Variants in SAMMSON observed in about 807,000 individuals in gnomAD.
SAMMSON encodes survival associated mitochondrial melanoma specific oncogenic non-coding RNA, also known as long intergenic non-protein coding RNA 1212.
downstream of SAMMSON, among the ~76,000 whole-genome samples, chr3:70,391,615 G>A (rs938593485): frequency 2.6e-5 from 4 of 151,988 alleles, no homozygotes; most frequent in Non-Finnish European, 4.4e-5. Context: ...AGTATAGAGG[G>A]CAATGTCTTG....
At position 70,268,422 on chromosome 3, in the gene SAMMSON, C is replaced by G. The variant is rs781722323; in HGVS notation, n.674+18752C>G. 2.7e-4 allele frequency among the ~76,000 whole-genome samples: 38 copies of G among 138,440 alleles called. 1 individual carries two copies. The highest frequency in any genetic ancestry group is 3.0e-4 in the Non-Finnish European group (20 of 66,738). 90.8% of individuals were successfully genotyped at this position (138,440 alleles called of 152,430 possible). A position where few individuals can be genotyped will look rare whatever the true frequency, so the allele number is the denominator to read the frequency against. On this transcript the variant is annotated intron_variant and non_coding_transcript_variant, in intron 6 of 9. Transcript: ENST00000642114. ...CCCGGGAGGCGGAGGTGGCAGTGAG[C>G]AGAGATCGCATCACTGCACTCCAGC...
At chr3:70,413,451 G>C (rs943968220) in intron 2 of SAMMSON, among the ~76,000 whole-genome samples, 1 of 152,120 alleles carries the variant, frequency 6.6e-6, no homozygotes, top group Non-Finnish European at 1.5e-5. Flanking sequence ...TCAGCACCCA[G>C]CTGAAGTGCT....
chr3:70,186,368 C>A (rs986449567), intron 4 of SAMMSON, among the ~76,000 whole-genome samples: 1 of 151,996 alleles, frequency 6.6e-6, no homozygotes, highest in Non-Finnish European at 1.5e-5. Context: ...AAGGATCTTC[C>A]CAGCTCAGCC....
chr3:70,279,649 T>C (rs905447889), intron 6 of SAMMSON, among the ~76,000 whole-genome samples: 1 of 152,172 alleles, frequency 6.6e-6, no homozygotes, highest in Non-Finnish European at 1.5e-5. Flanking sequence ...CTGAGTCCTA[T>C]TTGCATTAAG....
intron 3 of SAMMSON, among the ~76,000 whole-genome samples, chr3:70,031,341 T>C (rs1260456103): frequency 6.6e-6 from 1 of 151,874 alleles, no homozygotes; most frequent in Non-Finnish European, 1.5e-5. Flanking sequence ...AATAGGTAAA[T>C]TCATAGACAT....
intron 4 of SAMMSON, among the ~76,000 whole-genome samples, chr3:70,153,143 C>A (rs755819131): frequency 1.3e-5 from 2 of 151,838 alleles, no homozygotes; most frequent in Non-Finnish European, 2.9e-5. Context: ...AGGTGAGGGG[C>A]GTTATTCTGT....
chr3:70,300,030 T>G lies in SAMMSON; in HGVS notation n.739+8787T>G, dbSNP rs959491489. Among the ~76,000 whole-genome samples, 110 of 152,156 alleles carry G rather than the reference T, an allele frequency of 7.2e-4. 1 individual carries two copies. The highest frequency in any genetic ancestry group is 5.3e-4 in the Non-Finnish European group (36 of 68,018). ...GCCATCATATTCCATCAGTTTGTAT[T>G]GTTACTGCCTATTGAAACACTACCC... is the stretch of plus-strand genomic sequence containing the variant. On this transcript the variant is annotated intron_variant and non_coding_transcript_variant, in intron 7 of 9. Coordinates refer to ENST00000642114, the Ensembl canonical transcript of SAMMSON.
In SAMMSON at chr3:70,036,136, C is replaced by G. The variant is rs116714975; in HGVS notation, n.417+22464C>G. Among the ~76,000 whole-genome samples the G allele has an allele frequency of 1.9e-3, 283 of 152,084 alleles. 1 individual carries two copies. Among genetic ancestry groups the G allele is most frequent in the African/African-American group, 6.5e-3 (268 of 41,490 alleles). On this transcript the variant is annotated intron_variant and non_coding_transcript_variant, in intron 3 of 9. Transcript: ENST00000642114. Reference sequence around the variant, plus strand: ...GTAAATAAGCCAAATATATAAAACCCTAAAAGGTGAGATACTTGGTTTGGA... The same window carrying G: ...GTAAATAAGCCAAATATATAAAACCGTAAAAGGTGAGATACTTGGTTTGGA...
At chr3:70,044,797 A>G (rs1199510219) in intron 3 of SAMMSON, among the ~76,000 whole-genome samples, 2 of 150,234 alleles carry the variant, frequency 1.3e-5, no homozygotes, top group African/African-American at 4.9e-5. Context: ...TATAAAATCT[A>G]TACTTCACAT....
chr3:70,419,437 CAT>C (rs1323251610), intron 2 of SAMMSON, among the ~76,000 whole-genome samples: 2 of 152,094 alleles, frequency 1.3e-5, no homozygotes, highest in Non-Finnish European at 2.9e-5. Flanking sequence ...TATCCTCCTG[CAT>C]AGTTATTGTT....
chr3:70,173,737 C>T (rs564342141), intron 4 of SAMMSON, among the ~76,000 whole-genome samples: 1 of 151,938 alleles, frequency 6.6e-6, no homozygotes, highest in Admixed American at 6.6e-5. Context: ...TCATATTTGC[C>T]AGGTAAAAAT....
chr3:70,059,669 A>G (rs34771518), intron 3 of SAMMSON, among the ~76,000 whole-genome samples: 6,768 of 152,182 alleles, frequency 0.044, 201 homozygotes, highest in South Asian at 0.12. Flanking sequence ...TCTGATTCAA[A>G]TGCTAATCTC....
chr3:70,172,966 T>C (rs929668378), intron 4 of SAMMSON: 2 of 152,010 alleles, frequency 1.3e-5, no homozygotes, highest in African/African-American at 2.4e-5. Flanking sequence ...TTAGAACTTA[T>C]ATTGTCGAAG....
At chr3:70,261,971 A>C (rs939263726) in intron 6 of SAMMSON, among the ~76,000 whole-genome samples, 2 of 152,192 alleles carry the variant, frequency 1.3e-5, no homozygotes, top group Non-Finnish European at 2.9e-5. Flanking sequence ...GCACTTCTGC[A>C]TACCAACCTG....
chr3:70,001,473 A>G (rs2066905473), intron 1 of SAMMSON, among the ~76,000 whole-genome samples: 1 of 151,138 alleles, frequency 6.6e-6, no homozygotes, highest in Non-Finnish European at 1.5e-5. Flanking sequence ...TTTTTTAAGA[A>G]TATGTTCTAC....
chr3:70,327,508 C>T (rs1293846949), intron 7 of SAMMSON, among the ~76,000 whole-genome samples: 1 of 152,120 alleles, frequency 6.6e-6, no homozygotes, highest in Non-Finnish European at 1.5e-5. Context: ...GTAGAATTCA[C>T]ATGTCTGTGT....
intron 7 of SAMMSON, among the ~76,000 whole-genome samples, chr3:70,350,860 T>C (rs534577266): frequency 4.6e-5 from 7 of 152,106 alleles, no homozygotes; most frequent in Non-Finnish European, 7.4e-5. Flanking sequence ...GGAGGTGACA[T>C]TGAGTTGAGA....
chr3:70,415,918 G>A (rs1701261290), intron 2 of SAMMSON, among the ~76,000 whole-genome samples: 1 of 152,102 alleles, frequency 6.6e-6, no homozygotes, highest in Non-Finnish European at 1.5e-5. Context: ...TTGCTGTTGA[G>A]TTTGGATTCT....
chr3:70,188,350 T>A (rs996526912), intron 4 of SAMMSON, among the ~76,000 whole-genome samples: 1 of 152,188 alleles, frequency 6.6e-6, no homozygotes, highest in Non-Finnish European at 1.5e-5. Flanking sequence ...ATTGAGGTAG[T>A]TCAGTGAGAT....
Sources: allele counts gnomAD v4.1 joint callset (sites outside exome capture counted in the v4.1 genomes callset), GRCh38; gene constraint gnomAD v4.1.1; transcripts MANE v1.5; gene names NCBI Gene and HGNC (gene_info 2026-07-23, HGNC 2026-07-21).